DISC1: variants seen among roughly 807,000 people sequenced by gnomAD.
The protein encoded by DISC1 is DISC1 scaffold protein, also known as disrupted in schizophrenia 1 protein.
In DISC1, 57 loss-of-function variants were observed where a neutral mutation model predicts 84.5. That is an observed-to-expected ratio of 0.67 (90% CI 0.55 to 0.84). The LOEUF is 0.84. Ranked by LOEUF, DISC1 falls within the 40% of genes least tolerant of loss-of-function variation. The probability of loss-of-function intolerance (pLI) is 0.00; values close to 1 mark genes in which losing one functional copy is unlikely to be tolerated. For synonymous variants in DISC1, 411 were observed against 415.2 expected, an observed-to-expected ratio of 0.99 and a Z score of 0.12; for missense variants, 1,000 against 1,057.8, an observed-to-expected ratio of 0.95 and a Z score of 0.76.
chr1:231,915,138 A>G (rs543810204), intron 9 of DISC1, among the ~76,000 whole-genome samples: 2 of 152,286 alleles, frequency 1.3e-5, no homozygotes, highest in African/African-American at 4.8e-5. Context: ...GTTACTTTTG[A>G]CAGAAAACCC....
intron 3 of DISC1, among the ~76,000 whole-genome samples, chr1:231,735,715 T>G (rs191204588): frequency 1.3e-5 from 2 of 152,264 alleles, no homozygotes; most frequent in East Asian, 3.8e-4. Flanking sequence ...ATGATTGATA[T>G]GTAGCAATGT....
rs2087746445 is a variant in DISC1 at position 231,897,024 on chromosome 1, A to T, written c.1982-61804A>T. ...ACGGGATCTAGAAACATACATGATC[A>T]GACACGTGAACCCACGGGGCCAACA... is the stretch of plus-strand genomic sequence containing the variant. On this transcript the variant is annotated intron_variant, in intron 9 of 12. Transcript: ENST00000439617. The surrounding 1 kb of genome is among the most constrained non-coding windows in gnomAD (Gnocchi z 4.5). 6.6e-6 allele frequency among the ~76,000 whole-genome samples: 1 copy of T among 152,222 alleles called. No individual in the cohort carries two copies. Among genetic ancestry groups the T allele is most frequent in the Non-Finnish European group, 1.5e-5 (1 of 68,042 alleles).
At chr1:232,033,321 T>C (rs1458897188) in intron 12 of DISC1, among the ~76,000 whole-genome samples, 1 of 152,202 alleles carries the variant, frequency 6.6e-6, no homozygotes, top group African/African-American at 2.4e-5. Context: ...ATCCAGAATC[T>C]AGCCACCTCT....
intron 9 of DISC1, among the ~76,000 whole-genome samples, chr1:231,883,540 A>G (rs1337044503): frequency 6.6e-6 from 1 of 152,176 alleles, no homozygotes; most frequent in Non-Finnish European, 1.5e-5. Context: ...TCTGTGTGCC[A>G]AGCCAAAGAG....
chr1:231,745,610 A>G (rs2073893513), intron 3 of DISC1: 1 of 155,660 alleles, frequency 6.4e-6, no homozygotes, highest in African/African-American at 2.4e-5. Flanking sequence ...AACTATAGTC[A>G]TTCTCTATTG....
At position 231,693,926 on chromosome 1, in the gene DISC1, C is replaced by T; in HGVS notation, c.168C>T (p.Phe56=). Residue 56 remains phenylalanine, a synonymous_variant, in exon 2 of 13, where the codon TTC becomes TTT. Coordinates refer to ENST00000439617, the MANE Select transcript of DISC1 (RefSeq NM_018662.3). The part of the protein sequence containing the change: ...MRSSTGPGIG[F]LSPAVGTLFR... ...GCTCGACAGGGCCTGGGATCGGGTT[C>T]CTTTCCCCAGCAGTGGGCACACTGT... The T allele has an allele frequency of 6.2e-7, 1 of 1,614,162 alleles. No homozygotes were observed. The highest frequency in any genetic ancestry group is 8.5e-7 in the Non-Finnish European group (1 of 1,180,020).
intron 11 of DISC1, among the ~76,000 whole-genome samples, chr1:232,023,305 A>G (rs1159304484): frequency 6.6e-6 from 1 of 152,196 alleles, no homozygotes; most frequent in East Asian, 1.9e-4. Flanking sequence ...AACTTATTTA[A>G]CTATTCCCTT....
intron 1 of DISC1, among the ~76,000 whole-genome samples, chr1:231,638,137 T>C (rs1572372712): frequency 6.6e-6 from 1 of 152,234 alleles, no homozygotes; most frequent in Non-Finnish European, 1.5e-5. Context: ...ATGTCTTCTT[T>C]TGAAAAATGT....
At chr1:231,866,461 C>T (rs901391757) in intron 9 of DISC1, 7 of 773,498 alleles carry the variant, frequency 9.0e-6, no homozygotes, top group African/African-American at 8.5e-5. Context: ...ACAGCTAACA[C>T]TTATTACAAG....
chr1:231,674,363 C>T (rs200079852), intron 1 of DISC1, among the ~76,000 whole-genome samples: 12 of 151,992 alleles, frequency 7.9e-5, no homozygotes, highest in Admixed American at 7.9e-4. Flanking sequence ...ATAATGTGGG[C>T]AGTCACTGAG....
intron 10 of DISC1, among the ~76,000 whole-genome samples, chr1:231,988,914 G>A (rs1018539281): frequency 6.6e-6 from 1 of 152,240 alleles, no homozygotes; most frequent in African/African-American, 2.4e-5. Flanking sequence ...CATGTGCCCC[G>A]AACAATGCTG....
intron 1 of DISC1, among the ~76,000 whole-genome samples, chr1:231,666,465 G>A (rs545581038): frequency 5.9e-5 from 9 of 152,042 alleles, no homozygotes; most frequent in African/African-American, 1.4e-4. Context: ...TCTCCCTGGC[G>A]CATAAATAAA....
At chr1:231,870,210 G>A (rs1043781092) in intron 9 of DISC1, among the ~76,000 whole-genome samples, 2 of 152,170 alleles carry the variant, frequency 1.3e-5, no homozygotes, top group African/African-American at 4.8e-5. Flanking sequence ...TCCCAGGCAG[G>A]ACACCAAGAG....
chr1:231,702,715 G>C, intron 3 of DISC1: 5 of 474,472 alleles, frequency 1.1e-5, no homozygotes, highest in Non-Finnish European at 1.4e-5. Context: ...GATGAGGGCT[G>C]ACATGGGGGT....
chr1:231,752,383 C>A (rs1287603571), intron 4 of DISC1, among the ~76,000 whole-genome samples: 7 of 151,882 alleles, frequency 4.6e-5, no homozygotes, highest in Non-Finnish European at 8.8e-5. Flanking sequence ...AGAGTAGGAA[C>A]AAGAGAGAGA....
intron 8 of DISC1, among the ~76,000 whole-genome samples, chr1:231,812,212 T>C (rs2080374867): frequency 6.6e-6 from 1 of 152,132 alleles, no homozygotes; most frequent in Admixed American, 6.6e-5. Context: ...CATACCACCA[T>C]GCCTGGCTAA....
intron 9 of DISC1, among the ~76,000 whole-genome samples, chr1:231,886,774 T>TTC (rs2086744380): frequency 2.0e-5 from 1 of 49,978 alleles, no homozygotes; most frequent in Non-Finnish European, 4.5e-5. Context: ...TTCCTTTCTT[T>TTC]CTTTCTTTCT....
intron 10 of DISC1, among the ~76,000 whole-genome samples, chr1:231,962,056 T>C (rs1373088218): frequency 6.6e-6 from 1 of 152,234 alleles, no homozygotes; most frequent in Non-Finnish European, 1.5e-5. Flanking sequence ...TTTTTGGCTT[T>C]TTAATAATAG....
chr1:232,021,068 C>T (rs889068188), intron 11 of DISC1, among the ~76,000 whole-genome samples: 5 of 152,180 alleles, frequency 3.3e-5, no homozygotes, highest in Non-Finnish European at 7.3e-5. Flanking sequence ...TTTAAATAGA[C>T]AGCAATGTTG....
Sources: allele counts gnomAD v4.1 joint callset (sites outside exome capture counted in the v4.1 genomes callset), GRCh38; gene constraint gnomAD v4.1.1; non-coding constraint Gnocchi (gnomAD v3.1); transcripts MANE v1.5; gene names NCBI Gene and HGNC (gene_info 2026-07-23, HGNC 2026-07-21).